Variants in USP47 observed in about 807,000 individuals in gnomAD.
USP47 encodes the protein ubiquitin specific peptidase 47.
A neutral mutation model predicts 165.1 loss-of-function variants in USP47; 35 were observed. The observed-to-expected ratio is 0.21, with a 90% CI of 0.16 to 0.28. The LOEUF (loss-of-function observed/expected upper bound fraction) is 0.28, where lower values mean the gene tolerates loss of function less well. USP47 is among the 10% of genes least tolerant of loss of function. The pLI is 1.00. For synonymous variants in USP47, 531 were observed against 544.5 expected (o/e 0.98, Z 0.35); for missense variants, 1,277 against 1,607.4 (o/e 0.79, Z 3.52).
In USP47 at chr11:11,946,875, A is replaced by G. The variant is rs1031781604; in HGVS notation, c.3092-1070A>G. ...TTTTCTATTAATGAGCCTATATTTT[A>G]TAGCCAGGAAAACAATGAACATTAA... On this transcript the variant is annotated intron_variant, in intron 20 of 27. Transcript: ENST00000527733. Among the ~76,000 whole-genome samples the G allele has an allele frequency of 8.5e-5, 13 of 152,220 alleles. 1 individual carries two copies. Among genetic ancestry groups the G allele is most frequent in the African/African-American group, 2.7e-4 (11 of 41,466 alleles).
intron 1 of USP47, among the ~76,000 whole-genome samples, chr11:11,868,115 G>T (rs1193725383): frequency 6.6e-6 from 1 of 152,168 alleles, no homozygotes; most frequent in African/African-American, 2.4e-5. Flanking sequence ...GTAGTTTGGA[G>T]AAATAAAACA....
intron 1 of USP47, among the ~76,000 whole-genome samples, chr11:11,869,361 C>A (rs1439803518): frequency 1.3e-5 from 2 of 151,516 alleles, no homozygotes; most frequent in Non-Finnish European, 2.9e-5. Context: ...ATTACAGCAT[C>A]ATTTTTGGAA....
chr11:11,884,643 T>A, intron 3 of USP47, 63 bp downstream of exon 3: 1 of 1,074,098 alleles, frequency 9.3e-7, no homozygotes, highest in Non-Finnish European at 1.4e-6. Context: ...TACTTGAGGA[T>A]GCAGTTTCCC....
intron 12 of USP47, 65 bp downstream of exon 12, chr11:11,929,630 G>C: frequency 6.4e-7 from 1 of 1,569,618 alleles, no homozygotes; most frequent in South Asian, 1.2e-5. Flanking sequence ...CTAAACAACA[G>C]TAAAGTTTAT....
At chr11:11,864,313 T>C (rs1590247941) in intron 1 of USP47, among the ~76,000 whole-genome samples, 1 of 152,244 alleles carries the variant, frequency 6.6e-6, no homozygotes, top group South Asian at 2.1e-4. Context: ...GTTTTGCTTC[T>C]TCCACAAATT....
At chr11:11,914,757 CT>C (rs1299429753) in intron 8 of USP47, among the ~76,000 whole-genome samples, 1 of 152,102 alleles carries the variant, frequency 6.6e-6, no homozygotes, top group African/African-American at 2.4e-5. Context: ...AGAAAAGATA[CT>C]CAACATTGCT....
chr11:11,952,910 A>G, intron 25 of USP47, 39 bp downstream of exon 25: 1 of 1,414,644 alleles, frequency 7.1e-7, no homozygotes, highest in East Asian at 2.8e-5. Flanking sequence ...CTTATGTTGT[A>G]TATGTATATC....
Position 11,891,933 on chromosome 11 carries a change from C to T in USP47, c.358-35C>T, listed in dbSNP as rs1331032068. Reference sequence around the variant, plus strand: ...AATGCTGTTGTTTCAGCAACATTTGCTATTTACTAACTATTTGAATATGTT... The same window carrying T: ...AATGCTGTTGTTTCAGCAACATTTGTTATTTACTAACTATTTGAATATGTT... On this transcript the variant is annotated intron_variant, in intron 3 of 27. Coordinates refer to ENST00000527733, the MANE Select transcript of USP47 (RefSeq NM_001282659.2). 1.9e-6 allele frequency: 3 copies of T among 1,593,268 alleles called. No homozygotes were observed. In the African/African-American group the frequency reaches 4.1e-5, roughly 22 times the overall value.
At chr11:11,911,459 A>G (rs1852977943) in intron 8 of USP47, among the ~76,000 whole-genome samples, 1 of 152,180 alleles carries the variant, frequency 6.6e-6, no homozygotes, top group Admixed American at 6.6e-5. Context: ...AGGAATGGCC[A>G]TATTAGTGTC....
rs780428876 is a variant in USP47 at position 11,952,727 on chromosome 11, T to C, written c.3584-14T>C. 1.9e-6 allele frequency: 3 copies of C among 1,576,092 alleles called. No individual in the cohort carries two copies. The highest frequency in any genetic ancestry group is 1.7e-6 in the Non-Finnish European group (2 of 1,161,504). On this transcript the variant is annotated splice_polypyrimidine_tract_variant and intron_variant, in intron 24 of 27. Coordinates refer to ENST00000527733, the MANE Select transcript of USP47 (RefSeq NM_001282659.2). ...GAGGAAATAGAATGATGACCTAATC[T>C]TGCATATTCTTAGGGGTAGAGAAGA... is the stretch of plus-strand genomic sequence containing the variant.
intron 1 of USP47, among the ~76,000 whole-genome samples, chr11:11,844,433 A>C (rs2134103025): frequency 6.6e-6 from 1 of 152,310 alleles, no homozygotes; most frequent in East Asian, 1.9e-4. Flanking sequence ...GAGAAAGCAT[A>C]ATCATCATCT....
rs147470103 is a variant in USP47, at chr11:11,903,460, A to C, written c.819+118A>C. ...TGGGCATTAGTCTCATGGTTAAAGT[A>C]CCCAATGGGAAATTGAAAGTACTGA... On this transcript the variant is annotated intron_variant, in intron 7 of 27. Coordinates refer to ENST00000527733, the MANE Select transcript of USP47 (RefSeq NM_001282659.2). 1.5e-5 allele frequency: 13 copies of C among 865,734 alleles called. No individual in the cohort carries two copies. The South Asian group carries it at 2.9e-4, about 20-fold the overall frequency. 53.6% of individuals were successfully genotyped at this position (865,734 alleles called of 1,614,324 possible). A position where few individuals can be genotyped will look rare whatever the true frequency, so the allele number is the denominator to read the frequency against.
At chr11:11,896,642 G>A (rs939838740) in intron 4 of USP47, among the ~76,000 whole-genome samples, 3 of 152,164 alleles carry the variant, frequency 2.0e-5, no homozygotes, top group African/African-American at 7.2e-5. Flanking sequence ...AGGAGAGATA[G>A]AAGTCAGATT....
At chr11:11,931,984 T>A (rs941003573) in intron 14 of USP47, among the ~76,000 whole-genome samples, 4 of 152,198 alleles carry the variant, frequency 2.6e-5, no homozygotes, top group African/African-American at 9.7e-5. Context: ...GTCCTCGCAT[T>A]GCTATAAAGA....
chr11:11,843,728 C>T (rs916462467), intron 1 of USP47, among the ~76,000 whole-genome samples: 5 of 152,104 alleles, frequency 3.3e-5, no homozygotes, highest in Admixed American at 2.0e-4. Flanking sequence ...ATTTATTTCC[C>T]TAATAACTTG....
chr11:11,956,094 T>C lies in USP47; in HGVS notation c.3987T>C (p.Arg1329=). ...GTCGACTCCAGAAGACTGGACATCG[T>C]GTAACATACTCACCTCGTAAAGAGA... ...ESSRLQKTGH[R]VTYSPRKEKA... The change falls in exon 28 of 28, where the codon CGT becomes CGC. Residue 1329 remains arginine (R), a synonymous_variant. Coordinates refer to ENST00000527733, the MANE Select transcript of USP47 (RefSeq NM_001282659.2). 6.2e-7 allele frequency: 1 copy of C among 1,612,910 alleles called. No homozygotes were observed. The highest frequency in any genetic ancestry group is 1.3e-5 in the African/African-American group (1 of 74,940).
intron 1 of USP47, among the ~76,000 whole-genome samples, chr11:11,879,844 AT>A (rs1369632504): frequency 1.3e-5 from 2 of 152,072 alleles, no homozygotes; most frequent in Non-Finnish European, 2.9e-5. Context: ...AGATTTTATA[AT>A]TTTTAACTTA....
chr11:11,851,226 C>A (rs1001594741), intron 1 of USP47, among the ~76,000 whole-genome samples: 1 of 152,066 alleles, frequency 6.6e-6, no homozygotes, highest in African/African-American at 2.4e-5. Flanking sequence ...TAACCTAATT[C>A]CCCAGTTTTC....
chr11:11,874,997 C>T lies in USP47; in HGVS notation c.40-5180C>T, dbSNP rs149664697. Among the ~76,000 whole-genome samples the T allele has an allele frequency of 4.3e-3, 647 of 150,978 alleles. 9 individuals carry two copies. The highest frequency in any genetic ancestry group is 0.015 in the African/African-American group (599 of 41,112). Reference sequence around the variant, plus strand: ...TAAGGCCTAATTACTTAGCTTGTGGCAGCTCCTGTACCAAAAGGGAGAGAA... The same window carrying T: ...TAAGGCCTAATTACTTAGCTTGTGGTAGCTCCTGTACCAAAAGGGAGAGAA... On this transcript the variant is annotated intron_variant, in intron 1 of 27. Transcript: ENST00000527733.
Sources: gnomAD v4.1 joint callset for allele counts (sites outside exome capture counted in the v4.1 genomes callset) on GRCh38, gnomAD v4.1.1 for gene constraint, MANE v1.5 for transcripts, NCBI Gene and HGNC (gene_info 2026-07-23, HGNC 2026-07-21) for gene names.